Variants in CSMD3 observed in about 807,000 individuals in gnomAD.
The protein encoded by CSMD3 is CUB and sushi domain-containing protein 3.
CSMD3 carries 177 observed loss-of-function variants against 435.2 expected under a neutral mutation model. The ratio of observed to expected loss-of-function variants is 0.41; its 90% CI spans 0.36 to 0.46. The LOEUF (loss-of-function observed/expected upper bound fraction) is 0.46. CSMD3 is among the 20% of genes least tolerant of loss of function. The probability of loss-of-function intolerance (pLI) is 0.34; values close to 1 mark genes in which losing one functional copy is unlikely to be tolerated. For synonymous variants in CSMD3, 1,656 were observed against 1,520.5 expected, an observed-to-expected ratio of 1.09 and a Z score of -2.07; for missense variants, 4,265 against 4,504.6, an observed-to-expected ratio of 0.95 and a Z score of 1.52.
At chr8:112,267,237 A>C (rs2130433675) in intron 59 of CSMD3, among the ~76,000 whole-genome samples, 1 of 152,266 alleles carries the variant, frequency 6.6e-6, no homozygotes, top group Non-Finnish European at 1.5e-5. Context: ...TGGCATTTAA[A>C]TTAAACAACA....
intron 32 of CSMD3, among the ~76,000 whole-genome samples, chr8:112,439,511 CTTTATATATTT>C (rs1814747631): frequency 6.6e-6 from 1 of 151,958 alleles, no homozygotes; most frequent in Non-Finnish European, 1.5e-5. Flanking sequence ...ATCTGTAGGA[CTTTATATATTT>C]ATATATACCT....
chr8:112,424,173 T>C (rs17640721), intron 32 of CSMD3, among the ~76,000 whole-genome samples: 28,234 of 152,080 alleles, frequency 0.19, 3,222 homozygotes, highest in Middle Eastern at 0.36. Flanking sequence ...CCAACCTACT[T>C]GCAGGAATAA....
intron 13 of CSMD3, among the ~76,000 whole-genome samples, chr8:112,711,407 G>C (rs898523469): frequency 6.6e-6 from 1 of 152,080 alleles, no homozygotes; most frequent in Non-Finnish European, 1.5e-5. Flanking sequence ...GACAGGAAAA[G>C]GTAGGAAGAG....
chr8:113,054,510 G>T (rs2088233649), intron 5 of CSMD3, among the ~76,000 whole-genome samples: 1 of 151,972 alleles, frequency 6.6e-6, no homozygotes, highest in African/African-American at 2.4e-5. Flanking sequence ...TATTTTCTTT[G>T]TGTTCTGTAG....
rs369583355 is a variant in CSMD3, at chr8:112,589,765, T to C, written c.3716-2530A>G. ...AGTTGATACAAGGAAGACAAGGGCATATATGAAAACGTCAACTACATGAGA... is the reference window on the plus strand; with the variant it reads ...AGTTGATACAAGGAAGACAAGGGCACATATGAAAACGTCAACTACATGAGA... On this transcript the variant is annotated intron_variant, in intron 22 of 70. Transcript: ENST00000297405. Among the ~76,000 whole-genome samples, 11 of 152,234 alleles carry C rather than the reference T, an allele frequency of 7.2e-5. 1 individual carries two copies. Among genetic ancestry groups the C allele is most frequent in the African/African-American group, 2.6e-4 (11 of 41,546 alleles).
At chr8:112,387,371 C>T (rs1408594107) in intron 36 of CSMD3, among the ~76,000 whole-genome samples, 2 of 151,836 alleles carry the variant, frequency 1.3e-5, no homozygotes, top group African/African-American at 4.8e-5. Flanking sequence ...TTTGGCCCAA[C>T]AGAGAAAAAT....
chr8:112,440,850 A>T (rs1405891063), intron 32 of CSMD3, among the ~76,000 whole-genome samples: 1 of 152,138 alleles, frequency 6.6e-6, no homozygotes, highest in Non-Finnish European at 1.5e-5. Flanking sequence ...TGCATATAGT[A>T]GGGAGGCCCT....
chr8:112,320,983 C>A (rs557426777), intron 45 of CSMD3, among the ~76,000 whole-genome samples: 1 of 152,118 alleles, frequency 6.6e-6, no homozygotes, highest in African/African-American at 2.4e-5. Context: ...AAGGCCACCA[C>A]GACAAAGTCT....
At chr8:113,259,838 T>C (rs142316349) in intron 3 of CSMD3, among the ~76,000 whole-genome samples, 330 of 152,246 alleles carry the variant, frequency 2.2e-3, no homozygotes, top group African/African-American at 7.6e-3. Flanking sequence ...AGCAGTGATA[T>C]GGTTTGGCTG....
intron 12 of CSMD3, among the ~76,000 whole-genome samples, chr8:112,824,284 G>A (rs1353940448): frequency 1.3e-5 from 2 of 151,900 alleles, no homozygotes; most frequent in East Asian, 3.9e-4. Context: ...TTTTAACTGG[G>A]GCATTTAGTC....
intron 9 of CSMD3, among the ~76,000 whole-genome samples, chr8:112,934,414 G>T (rs934554473): frequency 2.6e-5 from 4 of 152,092 alleles, no homozygotes; most frequent in African/African-American, 9.7e-5. Context: ...TTAAATTTTT[G>T]AAGGAAACAC....
chr8:112,335,991 C>T (rs890864304), intron 44 of CSMD3, among the ~76,000 whole-genome samples: 2 of 152,146 alleles, frequency 1.3e-5, no homozygotes, highest in East Asian at 1.9e-4. Flanking sequence ...CAGCTCACTG[C>T]ACCTTTGACC....
At chr8:113,250,875 G>A (rs1004038349) in intron 3 of CSMD3, among the ~76,000 whole-genome samples, 2 of 151,962 alleles carry the variant, frequency 1.3e-5, no homozygotes, top group African/African-American at 2.4e-5. Flanking sequence ...TCTAGCCAGC[G>A]CGGAAGACAG....
At chr8:112,355,405 A>G (rs1463636112) in intron 38 of CSMD3, among the ~76,000 whole-genome samples, 1 of 152,244 alleles carries the variant, frequency 6.6e-6, no homozygotes, top group Non-Finnish European at 1.5e-5. Context: ...TTAAAGGAGT[A>G]GCAAACAACC....
chr8:112,884,558 C>T (rs2130248920), intron 10 of CSMD3, among the ~76,000 whole-genome samples: 1 of 151,884 alleles, frequency 6.6e-6, no homozygotes, highest in Admixed American at 6.6e-5. Flanking sequence ...ACATCCTTTC[C>T]CCCACAATTG....
chr8:112,793,625 C>A lies in CSMD3; in HGVS notation c.1972+6537G>T, dbSNP rs376712979. Among the ~76,000 whole-genome samples the A allele has an allele frequency of 1.6e-4, 25 of 152,118 alleles. No homozygotes were observed. In the East Asian group the frequency reaches 2.1e-3, roughly 13 times the overall value. Reference sequence around the variant, plus strand: ...AAAGGTTTGCAGAGACTTCAGCACTCCTGCATAGTCAAAGATTTATGGACA... The same window carrying A: ...AAAGGTTTGCAGAGACTTCAGCACTACTGCATAGTCAAAGATTTATGGACA... On this transcript the variant is annotated intron_variant, in intron 13 of 70. Transcript: ENST00000297405.
intron 6 of CSMD3, among the ~76,000 whole-genome samples, chr8:112,979,786 T>C (rs932285356): frequency 6.6e-6 from 1 of 151,258 alleles, no homozygotes; most frequent in African/African-American, 2.4e-5. Flanking sequence ...AAGGTGTAGC[T>C]TATCACAATT....
intron 10 of CSMD3, among the ~76,000 whole-genome samples, chr8:112,883,167 T>C (rs997548389): frequency 2.0e-5 from 3 of 151,968 alleles, no homozygotes; most frequent in African/African-American, 7.2e-5. Flanking sequence ...TTTTGCCCGA[T>C]CTTCCAATTT....
chr8:112,627,377 T>A (rs1383424098), intron 22 of CSMD3, among the ~76,000 whole-genome samples: 2 of 152,068 alleles, frequency 1.3e-5, no homozygotes, highest in Non-Finnish European at 2.9e-5. Flanking sequence ...AAAGAGCAAG[T>A]TTTTCTGGCA....
Sources: gnomAD v4.1 joint callset for allele counts (sites outside exome capture counted in the v4.1 genomes callset) on GRCh38, gnomAD v4.1.1 for gene constraint, MANE v1.5 for transcripts, NCBI Gene and HGNC (gene_info 2026-07-23, HGNC 2026-07-21) for gene names.